NCOA2: variants seen among roughly 807,000 people sequenced by gnomAD.
NCOA2 encodes the protein nuclear receptor coactivator 2.
NCOA2 carries 21 observed loss-of-function variants against 145.1 expected under a neutral mutation model. The ratio of observed to expected loss-of-function variants is 0.14; its 90% CI spans 0.10 to 0.21. The LOEUF (loss-of-function observed/expected upper bound fraction) is 0.21. Ranked by LOEUF, NCOA2 falls within the 10% of genes least tolerant of loss-of-function variation. NCOA2 has a pLI of 1.00. For synonymous variants in NCOA2, 619 were observed against 637.5 expected, an observed-to-expected ratio of 0.97 and a Z score of 0.44; for missense variants, 1,472 against 1,837.6, an observed-to-expected ratio of 0.80 and a Z score of 3.64.
intron 1 of NCOA2, among the ~76,000 whole-genome samples, chr8:70,389,199 G>A (rs1812952182): frequency 6.6e-6 from 1 of 152,044 alleles, no homozygotes. Flanking sequence ...ACTGACCCAA[G>A]CTACTATCAC....
chr8:70,204,138 G>C (rs1818201099), intron 4 of NCOA2, among the ~76,000 whole-genome samples: 2 of 152,018 alleles, frequency 1.3e-5, no homozygotes. Flanking sequence ...CTCCTGAGTA[G>C]CTGGGATTAC....
At chr8:70,317,388 C>T (rs1220428477) in intron 1 of NCOA2, among the ~76,000 whole-genome samples, 1 of 152,160 alleles carries the variant, frequency 6.6e-6, no homozygotes, top group African/African-American at 2.4e-5. Context: ...GCAGTGCCAC[C>T]ACCTTCAGGA....
chr8:70,436,257 C>G, the NCOA2 span, among the ~76,000 whole-genome samples: 1 of 152,134 alleles, frequency 6.6e-6, no homozygotes, highest in Admixed American at 6.5e-5. Flanking sequence ...TAGATAAAAC[C>G]AGAGTTATTT....
At chr8:70,179,754 C>G (rs576568896) in intron 4 of NCOA2, among the ~76,000 whole-genome samples, 3 of 152,192 alleles carry the variant, frequency 2.0e-5, no homozygotes, top group South Asian at 4.1e-4. Context: ...GTAGAAAGCT[C>G]GTCTCAGAGT....
At chr8:70,158,180 T>C (rs1003578082) in intron 10 of NCOA2, among the ~76,000 whole-genome samples, 4 of 152,226 alleles carry the variant, frequency 2.6e-5, no homozygotes, top group African/African-American at 4.8e-5. Flanking sequence ...TATTAACAGT[T>C]GGCAAACAGA....
chr8:70,329,683 T>C (rs1217937951), intron 1 of NCOA2, among the ~76,000 whole-genome samples: 9 of 150,412 alleles, frequency 6.0e-5, no homozygotes, highest in South Asian at 2.1e-4. Flanking sequence ...TATTCATCAA[T>C]AGGATAAATA....
chr8:70,347,075 G>A (rs1295995563), intron 1 of NCOA2, among the ~76,000 whole-genome samples: 1 of 151,862 alleles, frequency 6.6e-6, no homozygotes, highest in Non-Finnish European at 1.5e-5. Flanking sequence ...TATGGATTAA[G>A]GAACAAACTA....
At chr8:70,435,428 A>C in the NCOA2 span, among the ~76,000 whole-genome samples, 1 of 139,860 alleles carries the variant, frequency 7.2e-6, no homozygotes, top group African/African-American at 2.7e-5. Flanking sequence ...CCGTCTCAAA[A>C]AAAAAAAAAA....
At chr8:70,445,795 T>A in the NCOA2 span, among the ~76,000 whole-genome samples, 1 of 152,216 alleles carries the variant, frequency 6.6e-6, no homozygotes. Context: ...ATTTTCTTTT[T>A]AAAAATCATT....
intron 1 of NCOA2, among the ~76,000 whole-genome samples, chr8:70,332,398 A>G (rs183651586): frequency 1.8e-3 from 268 of 152,292 alleles, no homozygotes; most frequent in African/African-American, 6.2e-3. Context: ...ATACTACAAT[A>G]TATTATAATA....
chr8:70,203,214 G>A (rs1818081916), intron 4 of NCOA2, among the ~76,000 whole-genome samples: 1 of 138,356 alleles, frequency 7.2e-6, no homozygotes, highest in Non-Finnish European at 1.5e-5. Flanking sequence ...AGTGAGCCGA[G>A]ATCGCACCAC....
intron 1 of NCOA2, among the ~76,000 whole-genome samples, chr8:70,342,804 CA>C (rs1472692288): frequency 2.0e-5 from 3 of 150,344 alleles, no homozygotes. Flanking sequence ...CACACACACA[CA>C]CACACACACA....
At chr8:70,295,302 G>A (rs948529877) in intron 2 of NCOA2, among the ~76,000 whole-genome samples, 12 of 152,176 alleles carry the variant, frequency 7.9e-5, no homozygotes, top group Non-Finnish European at 1.6e-4. Flanking sequence ...CAAGTGGCAG[G>A]TAGTGGGAAA....
At chr8:70,339,878 G>A (rs1000757821) in intron 1 of NCOA2, among the ~76,000 whole-genome samples, 1 of 152,140 alleles carries the variant, frequency 6.6e-6, no homozygotes, top group African/African-American at 2.4e-5. Flanking sequence ...GGGAGAACTG[G>A]CTAGCCATAT....
At chr8:70,287,617 A>T (rs1826330508) in intron 2 of NCOA2, among the ~76,000 whole-genome samples, 1 of 152,232 alleles carries the variant, frequency 6.6e-6, no homozygotes, top group South Asian at 2.1e-4. Context: ...AGCTAAACAC[A>T]CATCCTATTG....
At chr8:70,205,241 A>T (rs1027842332) in intron 4 of NCOA2, among the ~76,000 whole-genome samples, 3 of 152,230 alleles carry the variant, frequency 2.0e-5, no homozygotes, top group African/African-American at 7.2e-5. Flanking sequence ...GGCCTTGAAG[A>T]ATGAACAGTA....
rs892546695 is a variant in NCOA2 at position 70,174,073 on chromosome 8, AT to A, written c.363+682del. ...TGTTTCTTGTTATATATTCACTGAC[AT>A]TTTTTTTTCTCATCTTACCATAACC... is the stretch of plus-strand genomic sequence containing the variant. On this transcript the variant is annotated intron_variant, in intron 5 of 22. Transcript: ENST00000452400. 5.3e-5 allele frequency among the ~76,000 whole-genome samples: 8 copies of A among 151,250 alleles called. No homozygotes were observed. The East Asian group carries it at 5.8e-4, about 11-fold the overall frequency.
intron 2 of NCOA2, among the ~76,000 whole-genome samples, chr8:70,259,467 C>T (rs1321849936): frequency 6.6e-6 from 1 of 152,080 alleles, no homozygotes; most frequent in Admixed American, 6.5e-5. Flanking sequence ...ATAATGTAAA[C>T]TTAAATTTGA....
At chr8:70,378,403 G>C (rs1811874354) in intron 1 of NCOA2, among the ~76,000 whole-genome samples, 1 of 152,102 alleles carries the variant, frequency 6.6e-6, no homozygotes, top group South Asian at 2.1e-4. Flanking sequence ...TAGAGTCATA[G>C]GTAGAAATGG....
Sources: gnomAD v4.1 joint callset for allele counts (sites outside exome capture counted in the v4.1 genomes callset) on GRCh38, gnomAD v4.1.1 for gene constraint, MANE v1.5 for transcripts, NCBI Gene and HGNC (gene_info 2026-07-23, HGNC 2026-07-21) for gene names.